The following CNTN5 variants were observed in gnomAD, a reference collection of about 807,000 sequenced individuals.
CNTN5 encodes contactin 5, also known as contactin-5.
CNTN5 carries 77 observed loss-of-function variants against 129.1 expected under a neutral mutation model. The ratio of observed to expected loss-of-function variants is 0.60; its 90% CI spans 0.50 to 0.72. The LOEUF (loss-of-function observed/expected upper bound fraction) is 0.72, where lower values mean the gene tolerates loss of function less well. Among genes scored for constraint, CNTN5 ranks in the 30% least tolerant of loss-of-function variants. The pLI is 0.00. For synonymous variants in CNTN5, 509 were observed against 465.6 expected (o/e 1.09, Z -1.20); for missense variants, 1,478 against 1,328.8 (o/e 1.11, Z -1.75).
At chr11:99,232,948 A>G (rs1206623787) in intron 1 of CNTN5, among the ~76,000 whole-genome samples, 1 of 152,218 alleles carries the variant, frequency 6.6e-6, no homozygotes, top group Non-Finnish European at 1.5e-5. Context: ...AATGAAGACA[A>G]TGTGAACCTT....
intron 13 of CNTN5, among the ~76,000 whole-genome samples, chr11:100,148,767 CAT>C (rs1351338532): frequency 1.3e-5 from 2 of 152,062 alleles, no homozygotes; most frequent in African/African-American, 4.8e-5. Context: ...ACTCTTGTAA[CAT>C]ATAGGGAGTA....
chr11:99,437,006 A>T (rs1276245975), intron 2 of CNTN5, among the ~76,000 whole-genome samples: 2 of 152,326 alleles, frequency 1.3e-5, no homozygotes, highest in East Asian at 3.9e-4. Context: ...CTTTTCAGTG[A>T]ACTCCAACTG....
At chr11:99,221,962 T>C (rs898909954) in intron 1 of CNTN5, among the ~76,000 whole-genome samples, 1 of 151,964 alleles carries the variant, frequency 6.6e-6, no homozygotes, top group African/African-American at 2.4e-5. Flanking sequence ...TTTAAAACAC[T>C]GCTATGTAAG....
intron 1 of CNTN5, among the ~76,000 whole-genome samples, chr11:99,035,851 G>A (rs545469252): frequency 7.9e-5 from 12 of 151,242 alleles, no homozygotes; most frequent in South Asian, 4.2e-4. Context: ...AGTTGATGCA[G>A]TTTCTTCCTA....
chr11:100,051,720 CAA>C (rs553435133), intron 9 of CNTN5, among the ~76,000 whole-genome samples: 5 of 151,850 alleles, frequency 3.3e-5, no homozygotes, highest in South Asian at 4.1e-4. Flanking sequence ...ACATCAAAAA[CAA>C]GAGATAAAAT....
chr11:100,128,344 C>G (rs1946262957), intron 13 of CNTN5, among the ~76,000 whole-genome samples: 1 of 152,066 alleles, frequency 6.6e-6, no homozygotes, highest in Non-Finnish European at 1.5e-5. Context: ...CACATCTAAT[C>G]AATCAGTAAC....
intron 13 of CNTN5, among the ~76,000 whole-genome samples, chr11:100,129,680 A>T (rs899969949): frequency 4.6e-5 from 7 of 152,184 alleles, no homozygotes; most frequent in South Asian, 2.1e-4. Context: ...CCCCAAAAAA[A>T]TAAATAGCTA....
At position 99,254,293 on chromosome 11, in the gene CNTN5, C is replaced by T. The variant is rs568967380; in HGVS notation, c.-209-71053C>T. On this transcript the variant is annotated intron_variant, in intron 1 of 24. Transcript: ENST00000524871. ...ACTTAGTTTAAAAAAATTATACTTG[C>T]ACTGAATAACATGAATATTCAGTGA... Among the ~76,000 whole-genome samples, 5 of 151,980 alleles carry T rather than the reference C, an allele frequency of 3.3e-5. No homozygotes were observed. In the South Asian group the frequency reaches 1.0e-3, roughly 32 times the overall value.
At chr11:99,308,288 G>A (rs1864956929) in intron 1 of CNTN5, among the ~76,000 whole-genome samples, 1 of 152,186 alleles carries the variant, frequency 6.6e-6, no homozygotes. Context: ...GATCACATTA[G>A]TGTAGAAGAA....
intron 3 of CNTN5, among the ~76,000 whole-genome samples, chr11:99,711,451 A>T (rs1021359125): frequency 7.3e-5 from 11 of 151,714 alleles, no homozygotes; most frequent in Non-Finnish European, 1.3e-4. Flanking sequence ...CAGACTGAAT[A>T]TTTTTTACTC....
intron 6 of CNTN5, among the ~76,000 whole-genome samples, chr11:99,911,306 A>C (rs59428196): frequency 7.8e-4 from 119 of 152,120 alleles, no homozygotes; most frequent in African/African-American, 2.9e-3. Flanking sequence ...GGCCACCTAC[A>C]GGATAAATGT....
At chr11:99,222,918 C>T (rs1860470700) in intron 1 of CNTN5, among the ~76,000 whole-genome samples, 1 of 152,140 alleles carries the variant, frequency 6.6e-6, no homozygotes, top group African/African-American at 2.4e-5. Context: ...CGTGAACACA[C>T]AAAAATGATT....
chr11:100,239,851 G>T (rs1252933245), intron 16 of CNTN5, among the ~76,000 whole-genome samples: 2 of 152,046 alleles, frequency 1.3e-5, no homozygotes, highest in Middle Eastern at 3.2e-3. Flanking sequence ...ACTCTGATTT[G>T]GTTAATTTAA....
At chr11:99,794,754 A>G (rs1160156467) in intron 3 of CNTN5, among the ~76,000 whole-genome samples, 2 of 152,004 alleles carry the variant, frequency 1.3e-5, no homozygotes, top group Non-Finnish European at 2.9e-5. Flanking sequence ...TAGGCTCCCT[A>G]TGTTTTCTGG....
chr11:99,319,341 G>A lies in CNTN5; in HGVS notation c.-209-6005G>A, dbSNP rs184043463. ...GATCTCCCTGGTCACAATGATAGTC[G>A]CCCATTGGTGTTTGATTCAGTTCGT... On this transcript the variant is annotated intron_variant, in intron 1 of 24. Coordinates refer to ENST00000524871, the MANE Select transcript of CNTN5 (RefSeq NM_014361.4). 1.4e-4 allele frequency among the ~76,000 whole-genome samples: 22 copies of A among 152,200 alleles called. No individual in the cohort carries two copies. The East Asian group carries it at 1.7e-3, about 12-fold the overall frequency.
At chr11:99,930,597 T>C (rs944889760) in intron 7 of CNTN5, among the ~76,000 whole-genome samples, 1 of 152,144 alleles carries the variant, frequency 6.6e-6, no homozygotes, top group African/African-American at 2.4e-5. Context: ...TCTAACAACA[T>C]GGTCTGAAAT....
intron 2 of CNTN5, among the ~76,000 whole-genome samples, chr11:99,393,552 T>C (rs888636789): frequency 3.3e-5 from 5 of 151,696 alleles, no homozygotes; most frequent in African/African-American, 4.8e-5. Flanking sequence ...GATAGTGGAG[T>C]TGGGATTCAA....
chr11:100,346,906 C>T (rs1210596283), intron 23 of CNTN5, among the ~76,000 whole-genome samples: 9 of 152,092 alleles, frequency 5.9e-5, no homozygotes, highest in African/African-American at 9.7e-5. Context: ...GTGAAAGGAA[C>T]GTCTCACATG....
chr11:99,964,740 G>A (rs1485135331), intron 8 of CNTN5, among the ~76,000 whole-genome samples: 2 of 152,180 alleles, frequency 1.3e-5, no homozygotes, highest in African/African-American at 4.8e-5. Flanking sequence ...CATGGTACCA[G>A]CTCCTTCTTG....
Sources: gnomAD v4.1 joint callset for allele counts (sites outside exome capture counted in the v4.1 genomes callset) on GRCh38, gnomAD v4.1.1 for gene constraint, MANE v1.5 for transcripts, NCBI Gene and HGNC (gene_info 2026-07-23, HGNC 2026-07-21) for gene names.